KHDC1: variants seen among roughly 807,000 people sequenced by gnomAD.
KHDC1 encodes the protein KH homology domain-containing protein 1.
Under a neutral mutation model 24.7 loss-of-function variants are expected in KHDC1, and 21 were observed. That is an observed-to-expected ratio of 0.85 (90% CI 0.60 to 1.23). The LOEUF is 1.23. Among genes scored for constraint, KHDC1 ranks in the 50% most tolerant of loss-of-function variants. The pLI, the probability that KHDC1 is intolerant of heterozygous loss-of-function variation, is 0.00. For synonymous variants in KHDC1, 98 were observed against 111.7 expected, an observed-to-expected ratio of 0.88 and a Z score of 0.77; for missense variants, 274 against 298.5, an observed-to-expected ratio of 0.92 and a Z score of 0.61.
intron 2 of KHDC1, among the ~76,000 whole-genome samples, chr6:73,256,480 A>G (rs59694937): frequency 0.075 from 11,417 of 152,254 alleles, 500 homozygotes; most frequent in African/African-American, 0.13. Flanking sequence ...TAAGCCAGTC[A>G]GGGAGTCTGG....
chr6:73,253,272 C>G (rs1397817009), intron 2 of KHDC1, among the ~76,000 whole-genome samples: 2 of 152,062 alleles, frequency 1.3e-5, no homozygotes. Flanking sequence ...AACAGGTTAA[C>G]CTGCCGGGTA....
exon 5 of KHDC1, chr6:73,241,359 C>G: frequency 1.6e-6 from 1 of 617,692 alleles, no homozygotes; most frequent in East Asian, 2.8e-5. Flanking sequence ...TTGCCAATAA[C>G]ACTTTCTTAC....
At chr6:73,270,520 A>G (rs994475707) in intron 2 of KHDC1, 5 of 152,104 alleles carry the variant, frequency 3.3e-5, no homozygotes, top group Non-Finnish European at 7.4e-5. Flanking sequence ...CAAAGACCTT[A>G]TTTCCAGGTA....
At chr6:73,262,896 C>T (rs1444095018) in intron 2 of KHDC1, 2 of 986,612 alleles carry the variant, frequency 2.0e-6, no homozygotes, top group Non-Finnish European at 2.4e-6. Flanking sequence ...GTGATGCCGC[C>T]GGGAACCCAG....
In KHDC1 at chr6:73,242,386, C is replaced by T. The variant is rs76146370; in HGVS notation, c.331+20G>A. The T allele has an allele frequency of 8.7e-6, 14 of 1,613,272 alleles. No homozygotes were observed. In the Admixed American group the frequency reaches 1.0e-4, roughly 12 times the overall value. ...GAGAAGACAAGGATGAAGAAGGGGACGTGGGCAAAGGCCACTCACCGAAGA... is the reference window on the plus strand; with the variant it reads ...GAGAAGACAAGGATGAAGAAGGGGATGTGGGCAAAGGCCACTCACCGAAGA... On this transcript the variant is annotated intron_variant, in intron 3 of 4. Transcript: ENST00000370384.
intron 2 of KHDC1, among the ~76,000 whole-genome samples, chr6:73,256,843 G>C (rs1443394433): frequency 2.6e-5 from 4 of 152,076 alleles, no homozygotes; most frequent in Non-Finnish European, 5.9e-5. Flanking sequence ...CTCATGCTAA[G>C]GTTTATATTC....
intron 2 of KHDC1, among the ~76,000 whole-genome samples, chr6:73,273,017 C>T (rs547253284): frequency 8.2e-4 from 123 of 150,822 alleles, no homozygotes; most frequent in African/African-American, 2.9e-3. Flanking sequence ...TGCCACCACG[C>T]CTGGCTAATT....
chr6:73,261,964 A>G (rs1001372901), intron 2 of KHDC1, among the ~76,000 whole-genome samples: 4 of 151,736 alleles, frequency 2.6e-5, no homozygotes, highest in African/African-American at 4.8e-5. Context: ...CTGCGGTCTC[A>G]GCTACTCAGG....
In KHDC1 at chr6:73,292,423, C is replaced by T. The variant is rs189801420; in HGVS notation, c.164-383G>A. 1.5e-4 allele frequency: 114 copies of T among 776,608 alleles called. 4 individuals carry two copies. The African/African-American group carries it at 1.9e-3, about 13-fold the overall frequency. The allele number at this position is 776,608 out of a possible 1,614,324, so 48.1% of individuals were successfully genotyped here. On this transcript the variant is annotated intron_variant, in intron 1 of 4. Transcript: ENST00000370384. The stretch of plus-strand genomic sequence containing the variant: ...GAGCAGCAGAATATCTTTATTTTTT[C>T]AGAGTGTTGGTTCCAGCAACAGACA...
intron 1 of KHDC1, among the ~76,000 whole-genome samples, chr6:73,293,927 A>T (rs1767710288): frequency 6.7e-6 from 1 of 149,528 alleles, no homozygotes; most frequent in Non-Finnish European, 1.5e-5. Context: ...AATCGCATGA[A>T]CCCAGGAGGC....
chr6:73,307,505 A>G (rs956735333), intron 1 of KHDC1, among the ~76,000 whole-genome samples: 5 of 152,178 alleles, frequency 3.3e-5, no homozygotes, highest in African/African-American at 1.2e-4. Flanking sequence ...AATTACTTAA[A>G]CCATTACAGA....
intron 2 of KHDC1, 87 bp from the exon 1 acceptor site, chr6:73,263,283 T>C (rs1033932215): frequency 3.0e-6 from 3 of 985,340 alleles, no homozygotes; most frequent in African/African-American, 1.7e-5. Flanking sequence ...GGAGACAGCC[T>C]GCGGAGCCCA....
Position 73,242,050 on chromosome 6 carries a change from C to A in KHDC1, c.514+5G>T, listed in dbSNP as rs1203583488. The A allele has an allele frequency of 1.9e-6, 3 of 1,608,012 alleles. No homozygotes were observed. In the Admixed American group the frequency reaches 5.0e-5, roughly 27 times the overall value. On this transcript the variant is annotated splice_donor_5th_base_variant and intron_variant, in intron 4 of 4. Coordinates refer to ENST00000370384, the Ensembl canonical transcript of KHDC1. Reference sequence around the variant, plus strand: ...TAAAACCACAGTTCAGCCAAGGATACCTACCTCGAGCATGATGATAGGAGT... The same window carrying A: ...TAAAACCACAGTTCAGCCAAGGATAACTACCTCGAGCATGATGATAGGAGT...
At chr6:73,309,189 G>T (rs1768032638) in intron 1 of KHDC1, among the ~76,000 whole-genome samples, 1 of 152,270 alleles carries the variant, frequency 6.6e-6, no homozygotes. Flanking sequence ...TTTGAGATCA[G>T]CTCTCCTAGG....
At chr6:73,309,037 C>G (rs763235403) in intron 1 of KHDC1, among the ~76,000 whole-genome samples, 2 of 152,118 alleles carry the variant, frequency 1.3e-5, no homozygotes, top group Non-Finnish European at 2.9e-5. Flanking sequence ...GTTGGCCAGG[C>G]GGGTCTGAAA....
chr6:73,286,091 G>C (rs1239089205), intron 2 of KHDC1, among the ~76,000 whole-genome samples: 1 of 152,180 alleles, frequency 6.6e-6, no homozygotes, highest in Non-Finnish European at 1.5e-5. Flanking sequence ...GCAAGACTTA[G>C]AACCCATCTG....
chr6:73,286,868 G>A (rs1292040419), intron 2 of KHDC1, among the ~76,000 whole-genome samples: 2 of 126,644 alleles, frequency 1.6e-5, no homozygotes, highest in Non-Finnish European at 3.3e-5. Context: ...GGGCAACAGA[G>A]TGAGACTCTG....
chr6:73,252,839 C>T (rs1044938356), intron 2 of KHDC1, among the ~76,000 whole-genome samples: 4 of 151,746 alleles, frequency 2.6e-5, no homozygotes, highest in African/African-American at 9.7e-5. Flanking sequence ...AAATTATCCA[C>T]TCATCAAATG....
intron 2 of KHDC1, among the ~76,000 whole-genome samples, chr6:73,265,629 T>TGAG (rs1168025448): frequency 1.3e-5 from 2 of 151,964 alleles, no homozygotes; most frequent in East Asian, 3.9e-4. Flanking sequence ...GAGAGGAGTT[T>TGAG]GAGTAAGCCT....
Sources: allele counts gnomAD v4.1 joint callset (sites outside exome capture counted in the v4.1 genomes callset), GRCh38; gene constraint gnomAD v4.1.1; transcripts MANE v1.5; gene names NCBI Gene and HGNC (gene_info 2026-07-23, HGNC 2026-07-21).